Variants in VEPH1 observed in about 807,000 individuals in gnomAD.
VEPH1 encodes the protein ventricular zone-expressed PH domain-containing protein homolog 1.
Under a neutral mutation model 85.2 loss-of-function variants are expected in VEPH1, and 80 were observed. That is an observed-to-expected ratio of 0.94 (90% CI 0.78 to 1.13). The LOEUF is 1.13. Ranked by LOEUF, VEPH1 falls within the 50% of genes most tolerant of loss-of-function variation. VEPH1 has a pLI of 0.00. For missense variants in VEPH1, 955 were observed against 980.5 expected (o/e 0.97, Z 0.35); for synonymous variants, 297 against 348.0 (o/e 0.85, Z 1.63).
chr3:157,470,620 G>T, intron 2 of VEPH1, 91 bp from the exon 3 acceptor site: 1 of 1,279,700 alleles, frequency 7.8e-7, no homozygotes, highest in Non-Finnish European at 1.1e-6. Flanking sequence ...TAGAAAATGG[G>T]TGCACCAGGC....
chr3:157,369,307 G>C (rs865830812), intron 7 of VEPH1, among the ~76,000 whole-genome samples: 18 of 151,262 alleles, frequency 1.2e-4, no homozygotes, highest in Admixed American at 4.7e-4. Flanking sequence ...GAAATGTGGA[G>C]AGAAGCAGGG....
chr3:157,389,022 G>C (rs1342549662), intron 6 of VEPH1, among the ~76,000 whole-genome samples: 1 of 152,120 alleles, frequency 6.6e-6, no homozygotes, highest in East Asian at 1.9e-4. Context: ...CCCTGAATTA[G>C]ACAATACTGA....
rs149164162 is a variant in VEPH1 at position 157,296,177 on chromosome 3, A to C, written c.2011-9503T>G. Among the ~76,000 whole-genome samples the C allele has an allele frequency of 4.7e-3, 717 of 152,344 alleles. 7 individuals carry two copies. Among genetic ancestry groups the C allele is most frequent in the African/African-American group, 0.016 (684 of 41,574 alleles). ...AGCATTCATGGAAATAATACACAAC[A>C]ACCTCAGGAGAATATTTACAACAGT... On this transcript the variant is annotated intron_variant, in intron 11 of 13. Transcript: ENST00000362010.
At chr3:157,360,510 A>G (rs958955006) in intron 9 of VEPH1, among the ~76,000 whole-genome samples, 1 of 152,164 alleles carries the variant, frequency 6.6e-6, no homozygotes, top group African/African-American at 2.4e-5. Context: ...TAACTAGTTA[A>G]TTGTCAAACT....
chr3:157,413,363 T>C (rs1258634210), intron 6 of VEPH1: 2 of 625,716 alleles, frequency 3.2e-6, no homozygotes, highest in Admixed American at 1.3e-4. Context: ...TTCAGAGGAC[T>C]GAAAACATTC....
intron 1 of VEPH1, among the ~76,000 whole-genome samples, chr3:157,500,249 T>C (rs1433985861): frequency 1.3e-5 from 2 of 152,238 alleles, no homozygotes; most frequent in African/African-American, 2.4e-5. Context: ...CAGTGCACTT[T>C]AAAAAGCAAG....
At position 157,281,831 on chromosome 3, in the gene VEPH1, C is replaced by T. The variant is rs568628968; in HGVS notation, c.2128+4726G>A. Reference sequence around the variant, plus strand: ...GATTACAGGCGTGAGCCACTACGCCCGGCCAAAATTGAGTTTTCTTTTATC... The same window carrying T: ...GATTACAGGCGTGAGCCACTACGCCTGGCCAAAATTGAGTTTTCTTTTATC... On this transcript the variant is annotated intron_variant, in intron 12 of 13. Transcript: ENST00000362010. 1.6e-3 allele frequency among the ~76,000 whole-genome samples: 245 copies of T among 152,282 alleles called. 2 individuals are homozygous for T. The highest frequency in any genetic ancestry group is 3.1e-3 in the Non-Finnish European group (208 of 68,010).
At chr3:157,330,428 C>T (rs1559964632) in intron 9 of VEPH1, among the ~76,000 whole-genome samples, 1 of 152,136 alleles carries the variant, frequency 6.6e-6, no homozygotes, top group East Asian at 1.9e-4. Flanking sequence ...GAGCTGTTGC[C>T]CCCAGGAGAG....
chr3:157,482,500 G>C (rs1340788670), intron 2 of VEPH1, among the ~76,000 whole-genome samples: 3 of 152,226 alleles, frequency 2.0e-5, no homozygotes, highest in African/African-American at 7.2e-5. Context: ...TGGAATTACA[G>C]GTGTGAGCCA....
At chr3:157,324,226 T>C (rs1721649001) in intron 9 of VEPH1, among the ~76,000 whole-genome samples, 1 of 152,094 alleles carries the variant, frequency 6.6e-6, no homozygotes, top group Non-Finnish European at 1.5e-5. Context: ...TGGCTAATTT[T>C]TTTGTAGTTT....
chr3:157,414,754 C>A (rs563800538), intron 5 of VEPH1, among the ~76,000 whole-genome samples: 25 of 152,220 alleles, frequency 1.6e-4, no homozygotes, highest in African/African-American at 6.0e-4. Context: ...GTTAATACAT[C>A]ACATATTGAT....
rs568643943 is a variant in VEPH1 at position 157,362,305 on chromosome 3, AC to A, written c.1735+1058del. ...CTCAGCCTCCCAAAGTGCTTGGATT[AC>A]AGGCATGAGCCACTGCGCCCAGCCT... is the stretch of plus-strand genomic sequence containing the variant. On this transcript the variant is annotated intron_variant, in intron 9 of 13. Transcript: ENST00000362010. 2.0e-5 allele frequency among the ~76,000 whole-genome samples: 3 copies of A among 152,344 alleles called. No individual in the cohort carries two copies. In the South Asian group the frequency reaches 6.2e-4, roughly 32 times the overall value.
chr3:157,281,156 T>G (rs1716064630), intron 12 of VEPH1, among the ~76,000 whole-genome samples: 1 of 148,534 alleles, frequency 6.7e-6, no homozygotes, highest in Non-Finnish European at 1.5e-5. Context: ...GAGAGAGAAA[T>G]GAGAGTGTGT....
chr3:157,337,335 A>T (rs1723063126), intron 9 of VEPH1, among the ~76,000 whole-genome samples: 3 of 152,146 alleles, frequency 2.0e-5, no homozygotes, highest in Admixed American at 6.5e-5. Context: ...AAAAATATTT[A>T]ATTTAAAAGG....
At chr3:157,288,089 T>A (rs920323086) in intron 11 of VEPH1, among the ~76,000 whole-genome samples, 3 of 152,190 alleles carry the variant, frequency 2.0e-5, no homozygotes, top group Non-Finnish European at 4.4e-5. Context: ...ATTAAATAGC[T>A]CTACTGTCCT....
At chr3:157,413,146 T>A (rs1731650766) in intron 6 of VEPH1, among the ~76,000 whole-genome samples, 1 of 152,172 alleles carries the variant, frequency 6.6e-6, no homozygotes. Context: ...GATTTGTTTT[T>A]ATTTTAATAT....
chr3:157,356,852 TG>T (rs1365106756), intron 9 of VEPH1, among the ~76,000 whole-genome samples: 1 of 152,200 alleles, frequency 6.6e-6, no homozygotes, highest in Non-Finnish European at 1.5e-5. Flanking sequence ...ACTCTTCTGC[TG>T]GGGACTGTCA....
At chr3:157,421,597 C>A (rs938966572) in intron 5 of VEPH1, among the ~76,000 whole-genome samples, 1 of 152,168 alleles carries the variant, frequency 6.6e-6, no homozygotes, top group Non-Finnish European at 1.5e-5. Context: ...CATTTCCTTC[C>A]ATCTCCCTTG....
intron 1 of VEPH1, among the ~76,000 whole-genome samples, chr3:157,496,626 T>G (rs1218152288): frequency 6.6e-6 from 1 of 151,904 alleles, no homozygotes; most frequent in African/African-American, 2.4e-5. Context: ...CCAGAAAGAG[T>G]GTGAAAAGGG....
Sources: gnomAD v4.1 joint callset for allele counts (sites outside exome capture counted in the v4.1 genomes callset) on GRCh38, gnomAD v4.1.1 for gene constraint, MANE v1.5 for transcripts, NCBI Gene and HGNC (gene_info 2026-07-23, HGNC 2026-07-21) for gene names.